MAGI1: variants seen among roughly 807,000 people sequenced by gnomAD.
MAGI1 encodes the protein membrane-associated guanylate kinase, WW and PDZ domain-containing protein 1.
In MAGI1, 58 loss-of-function variants were observed where a neutral mutation model predicts 139.9. The observed-to-expected ratio is 0.41, with a 90% CI of 0.34 to 0.52. MAGI1 has a LOEUF of 0.52. Ranked by LOEUF, MAGI1 falls within the 20% of genes least tolerant of loss-of-function variation. MAGI1 has a pLI of 0.12. For synonymous variants in MAGI1, 812 were observed against 737.9 expected, an observed-to-expected ratio of 1.10 and a Z score of -1.63; for missense variants, 1,874 against 1,901.6, an observed-to-expected ratio of 0.99 and a Z score of 0.27.
At chr3:65,555,701 A>G (rs978962088) in intron 2 of MAGI1, among the ~76,000 whole-genome samples, 5 of 152,188 alleles carry the variant, frequency 3.3e-5, no homozygotes, top group Admixed American at 2.6e-4. Flanking sequence ...ACAAAAAAAT[A>G]AAAGAAAATT....
chr3:65,797,719 AAAAAG>A lies in MAGI1; in HGVS notation c.314-175636_314-175632del, dbSNP rs1290278274. On this transcript the variant is annotated intron_variant, in intron 1 of 22. Transcript: ENST00000402939. ...CAACACAGTGAGACCCAGTCTCAAA[AAAAAG>A]AAAACAGAAATCTAGTTTCTATAAA... Among the ~76,000 whole-genome samples the A allele has an allele frequency of 2.0e-4, 30 of 152,294 alleles. No individual in the cohort carries two copies. In the Middle Eastern group the frequency reaches 0.014, roughly 69 times the overall value.
chr3:65,667,880 T>A (rs1448791858), intron 1 of MAGI1, among the ~76,000 whole-genome samples: 2 of 152,162 alleles, frequency 1.3e-5, no homozygotes, highest in Admixed American at 1.3e-4. Flanking sequence ...AAACCAATTT[T>A]TTTTAACACT....
chr3:65,839,285 A>C (rs769646253), intron 1 of MAGI1, among the ~76,000 whole-genome samples: 9 of 152,250 alleles, frequency 5.9e-5, no homozygotes, highest in Non-Finnish European at 1.3e-4. Context: ...GCTGCCAGAC[A>C]TAGAAAAGTA....
intron 2 of MAGI1, among the ~76,000 whole-genome samples, chr3:65,494,115 T>C (rs1232032897): frequency 1.3e-5 from 2 of 152,204 alleles, no homozygotes; most frequent in Non-Finnish European, 2.9e-5. Flanking sequence ...TGACACCTGC[T>C]GCATAAACAC....
Position 65,962,005 on chromosome 3 carries a change from T to C in MAGI1, c.313+75991A>G, listed in dbSNP as rs182097001. Among the ~76,000 whole-genome samples, 302 of 152,308 alleles carry C rather than the reference T, an allele frequency of 2.0e-3. 2 individuals are homozygous for C. The highest frequency in any genetic ancestry group is 2.4e-3 in the Non-Finnish European group (166 of 68,028). The stretch of plus-strand genomic sequence containing the variant: ...ATTGGGACAGCTTCCATGAAGTGAC[T>C]GGGCATAGTCTTCATGAAGAGGTTG... On this transcript the variant is annotated intron_variant, in intron 1 of 22. Coordinates refer to ENST00000402939, the MANE Select transcript of MAGI1 (RefSeq NM_001033057.2).
intron 1 of MAGI1, among the ~76,000 whole-genome samples, chr3:65,979,730 G>A (rs2065468026): frequency 3.3e-5 from 5 of 152,298 alleles, no homozygotes; most frequent in African/African-American, 1.2e-4. Context: ...TCCAAAGGGT[G>A]CTCATAAAGG....
rs1322534366 is a variant in MAGI1, at chr3:65,363,558, G to A, written c.3402C>T (p.Gly1134=). Residue 1134 remains glycine, a synonymous_variant, in exon 21 of 23, where the codon GGC becomes GGT. Coordinates refer to ENST00000402939, the MANE Select transcript of MAGI1 (RefSeq NM_001033057.2). The part of the protein sequence containing the change: ...VELERGAKGF[G]FSLRGGREYN... ...ACTCTCGGCCTCCTCGAAGGCTAAA[G>A]CCAAATCCCTTGGCTCCTCTTTCCA... 2.5e-6 allele frequency: 4 copies of A among 1,614,072 alleles called. No individual in the cohort carries two copies. The highest frequency in any genetic ancestry group is 1.7e-5 in the Admixed American group (1 of 60,024).
intron 1 of MAGI1, among the ~76,000 whole-genome samples, chr3:65,942,106 C>A (rs914068175): frequency 6.6e-6 from 1 of 152,068 alleles, no homozygotes; most frequent in South Asian, 2.1e-4. Context: ...TTAGAAAATG[C>A]CATTTTCCTT....
At chr3:65,684,607 C>T (rs915805680) in intron 1 of MAGI1, among the ~76,000 whole-genome samples, 2 of 152,070 alleles carry the variant, frequency 1.3e-5, no homozygotes, top group Non-Finnish European at 2.9e-5. Context: ...CATGAACCTA[C>T]ATGGGTGAAA....
chr3:65,442,842 A>C lies in MAGI1; in HGVS notation c.1086T>G (p.Pro362=), dbSNP rs764387561. 2.4e-5 allele frequency: 38 copies of C among 1,612,970 alleles called. No individual in the cohort carries two copies. The highest frequency in any genetic ancestry group is 3.1e-5 in the Non-Finnish European group (37 of 1,179,294). The change falls in exon 8 of 23, where the codon CCT becomes CCG. Residue 362 remains proline (P), a synonymous_variant. Transcript: ENST00000402939. ...TEELDSELEL[P]AGWEKIEDPV... is the part of the protein sequence containing the mutation. The stretch of plus-strand genomic sequence containing the variant: ...GGTCTTCAATCTTTTCCCAACCAGC[A>C]GGCAGTTCTGAAAAATAAAAGAACA...
chr3:65,715,151 C>T (rs2032070600), intron 1 of MAGI1, among the ~76,000 whole-genome samples: 2 of 152,154 alleles, frequency 1.3e-5, no homozygotes, highest in Admixed American at 1.3e-4. Context: ...AAAACGACCT[C>T]AGACATTTTA....
chr3:65,520,130 C>T (rs1232895358), intron 2 of MAGI1, among the ~76,000 whole-genome samples: 1 of 152,226 alleles, frequency 6.6e-6, no homozygotes, highest in African/African-American at 2.4e-5. Flanking sequence ...AACCACCCCA[C>T]CTACTCTTCC....
chr3:65,676,864 T>C (rs1204754788), intron 1 of MAGI1, among the ~76,000 whole-genome samples: 1 of 152,192 alleles, frequency 6.6e-6, no homozygotes, highest in Non-Finnish European at 1.5e-5. Context: ...TGTTCAACAA[T>C]ACAGAACGAC....
At chr3:65,553,177 G>A (rs1169837707) in intron 2 of MAGI1, among the ~76,000 whole-genome samples, 1 of 151,622 alleles carries the variant, frequency 6.6e-6, no homozygotes, top group Non-Finnish European at 1.5e-5. Context: ...AAGATGGATG[G>A]AAAAATTAAG....
At chr3:65,456,655 T>A (rs948624919) in intron 5 of MAGI1, among the ~76,000 whole-genome samples, 2 of 152,240 alleles carry the variant, frequency 1.3e-5, no homozygotes, top group Admixed American at 1.3e-4. Context: ...TTTTATGTTT[T>A]ACATTTCAGA....
intron 14 of MAGI1, among the ~76,000 whole-genome samples, chr3:65,385,509 G>T (rs904743921): frequency 2.6e-5 from 4 of 152,202 alleles, no homozygotes; most frequent in African/African-American, 4.8e-5. Context: ...GAATAGGGAA[G>T]AAGAAGGTGG....
At chr3:65,828,931 C>T (rs992250265) in intron 1 of MAGI1, among the ~76,000 whole-genome samples, 1 of 152,100 alleles carries the variant, frequency 6.6e-6, no homozygotes. Flanking sequence ...TGTGGGTGGC[C>T]GCTAGAGGCT....
intron 2 of MAGI1, among the ~76,000 whole-genome samples, chr3:65,558,446 T>C (rs969028950): frequency 3.3e-5 from 5 of 152,178 alleles, no homozygotes; most frequent in Admixed American, 6.5e-5. Flanking sequence ...GACTATGAAC[T>C]TGAGACCAGC....
chr3:65,657,912 C>T (rs564584479), intron 1 of MAGI1, among the ~76,000 whole-genome samples: 2 of 152,270 alleles, frequency 1.3e-5, no homozygotes, highest in African/African-American at 4.8e-5. Flanking sequence ...ATCTGTCAAA[C>T]TAGCATAACA....
Sources: allele counts gnomAD v4.1 joint callset (sites outside exome capture counted in the v4.1 genomes callset), GRCh38; gene constraint gnomAD v4.1.1; transcripts MANE v1.5; gene names NCBI Gene and HGNC (gene_info 2026-07-23, HGNC 2026-07-21).